The following CFAP44 variants were observed in gnomAD, a reference collection of about 807,000 sequenced individuals.
CFAP44 encodes the protein cilia and flagella associated protein 44.
In CFAP44, 134 loss-of-function variants were observed where a neutral mutation model predicts 216.2. That is an observed-to-expected ratio of 0.62 (90% CI 0.54 to 0.72). The LOEUF (loss-of-function observed/expected upper bound fraction) is 0.72. Ranked by LOEUF, CFAP44 falls within the 30% of genes least tolerant of loss-of-function variation. CFAP44 has a pLI of 0.00. For synonymous variants in CFAP44, 700 were observed against 727.6 expected (o/e 0.96, Z 0.61); for missense variants, 2,035 against 2,182.1 (o/e 0.93, Z 1.34).
At chr3:113,435,735 T>TAA (rs11434499) in intron 1 of CFAP44, among the ~76,000 whole-genome samples, 6,043 of 141,088 alleles carry the variant, frequency 0.043, 160 homozygotes, top group East Asian at 0.11. Context: ...CTTCTAAAAT[T>TAA]AAAAAAAAAA....
rs1934651834 is a variant in CFAP44 at position 113,416,515 on chromosome 3, C to T, written c.673+10G>A. On this transcript the variant is annotated intron_variant, in intron 6 of 34. Coordinates refer to ENST00000393845, the MANE Select transcript of CFAP44 (RefSeq NM_001164496.2). ...GAACATGAAATATTTAAATATGCTT[C>T]TGGACTCACCTCGAAGGACTCTGTA... 1 of 1,573,112 alleles carries T rather than the reference C, an allele frequency of 6.4e-7. No homozygotes were observed. The highest frequency in any genetic ancestry group is 1.7e-5 in the Admixed American group (1 of 58,400).
intron 7 of CFAP44, among the ~76,000 whole-genome samples, chr3:113,407,991 A>T (rs1934334514): frequency 6.6e-6 from 1 of 152,238 alleles, no homozygotes; most frequent in Non-Finnish European, 1.5e-5. Context: ...AATAATCAGA[A>T]AATATAAGAA....
chr3:113,304,953 G>A, intron 31 of CFAP44, 83 bp downstream of exon 31: 1 of 1,246,432 alleles, frequency 8.0e-7, no homozygotes, highest in Non-Finnish European at 1.1e-6. Flanking sequence ...CTCCCCATTA[G>A]TGAACTATGA....
At chr3:113,389,636 G>A (rs1933740690) in intron 15 of CFAP44, among the ~76,000 whole-genome samples, 1 of 151,336 alleles carries the variant, frequency 6.6e-6, no homozygotes, top group Non-Finnish European at 1.5e-5. Context: ...AGAGAGAGAA[G>A]CCTAAAATAT....
chr3:113,434,425 G>C (rs975279984), intron 1 of CFAP44: 1 of 152,176 alleles, frequency 6.6e-6, no homozygotes, highest in Non-Finnish European at 1.5e-5. Context: ...ATATTGAAGA[G>C]AAGGTGGGTA....
At chr3:113,407,442 T>C (rs1324320661) in intron 7 of CFAP44, among the ~76,000 whole-genome samples, 2 of 152,224 alleles carry the variant, frequency 1.3e-5, no homozygotes, top group Admixed American at 6.5e-5. Context: ...GCTATTGTAT[T>C]AGACAGCATA....
At chr3:113,317,358 T>C (rs921671604) in intron 28 of CFAP44, among the ~76,000 whole-genome samples, 1 of 152,190 alleles carries the variant, frequency 6.6e-6, no homozygotes, top group Non-Finnish European at 1.5e-5. Flanking sequence ...CTGGGAGGCA[T>C]GGGCTCCAGC....
At chr3:113,441,099 C>T (rs1292552975) in intron 1 of CFAP44, among the ~76,000 whole-genome samples, 1 of 152,204 alleles carries the variant, frequency 6.6e-6, no homozygotes, top group African/African-American at 2.4e-5. Context: ...TGCCAAGCGT[C>T]GCACCCAGCT....
intron 21 of CFAP44, among the ~76,000 whole-genome samples, chr3:113,359,930 G>A (rs981804971): frequency 7.2e-5 from 11 of 151,996 alleles, no homozygotes; most frequent in East Asian, 5.8e-4. Context: ...TAGATCAACC[G>A]GGTACTGTCT....
At chr3:113,433,458 A>AAAAAAAAAAAAAAAAAAAT in intron 2 of CFAP44, 107 bp downstream of exon 2, 1 of 295,860 alleles carries the variant, frequency 3.4e-6, no homozygotes, top group African/African-American at 2.5e-5. Flanking sequence ...AAAAAAAAAG[A>AAAAAAAAAAAAAAAAAAAT]TCTATTTTAT....
chr3:113,418,879 T>C (rs571200045), intron 5 of CFAP44, among the ~76,000 whole-genome samples: 1 of 151,930 alleles, frequency 6.6e-6, no homozygotes, highest in East Asian at 1.9e-4. Flanking sequence ...TAATTTTTTG[T>C]ATCTTTAGTA....
chr3:113,408,175 C>T (rs1934340964), intron 7 of CFAP44, among the ~76,000 whole-genome samples: 2 of 152,116 alleles, frequency 1.3e-5, no homozygotes, highest in Admixed American at 6.5e-5. Context: ...CTCTTAGAGA[C>T]ACTGATAATC....
At position 113,291,632 on chromosome 3, in the gene CFAP44, C is replaced by A; in HGVS notation, c.5490G>T (p.Leu1830Phe). 1 of 1,537,292 alleles carries A rather than the reference C, an allele frequency of 6.5e-7. No individual in the cohort carries two copies. The highest frequency in any genetic ancestry group is 8.7e-7 in the Non-Finnish European group (1 of 1,146,936). The change falls in exon 35 of 35, where the codon TTG becomes TTT. Residue 1830 changes from leucine (L) to phenylalanine (F), a missense_variant. Leu to Phe is a conservative substitution (Grantham distance 22). Coordinates refer to ENST00000393845, the MANE Select transcript of CFAP44 (RefSeq NM_001164496.2). Reference sequence around the variant, plus strand: ...GGAGGATAAGACTGCCTTTCCTACGCAAAAGAGCAATCTCCTCCTTTAAGG... The same window carrying A: ...GGAGGATAAGACTGCCTTTCCTACGAAAAAGAGCAATCTCCTCCTTTAAGG... Reference protein sequence around the residue: ...ISALKEEIALLRRKGSLILPP... With the variant: ...ISALKEEIALFRRKGSLILPP...
intron 15 of CFAP44, among the ~76,000 whole-genome samples, chr3:113,384,267 G>C (rs1289738597): frequency 1.3e-5 from 2 of 152,006 alleles, no homozygotes; most frequent in African/African-American, 2.4e-5. Context: ...CACCGTGTTA[G>C]CCAGGATGGT....
chr3:113,314,670 C>G (rs1356820332), intron 28 of CFAP44, among the ~76,000 whole-genome samples: 2 of 152,050 alleles, frequency 1.3e-5, no homozygotes, highest in South Asian at 4.1e-4. Flanking sequence ...TGTTTGATGA[C>G]TGAAGCAAAA....
At chr3:113,308,402 G>C in intron 28 of CFAP44, 134 bp from the exon 29 acceptor site, 2 of 709,296 alleles carry the variant, frequency 2.8e-6, no homozygotes, top group Non-Finnish European at 4.4e-6. Context: ...AAATGGTTAA[G>C]GACACAAAGA....
chr3:113,344,482 A>AT (rs1559917740), intron 23 of CFAP44, 34 bp downstream of exon 23: 1 of 1,510,860 alleles, frequency 6.6e-7, no homozygotes. Context: ...GTCTTAGTAA[A>AT]TAAGAATTTA....
chr3:113,406,947 T>C lies in CFAP44; in HGVS notation c.985A>G (p.Met329Val), dbSNP rs368436860. 6.2e-6 allele frequency: 10 copies of C among 1,613,836 alleles called. No homozygotes were observed. The African/African-American group carries it at 1.2e-4, about 19-fold the overall frequency. ...KTITTDIEGY[M>V]ELPDGKVLSG... ...CTCACCTTCCCATCTGGGAGCTCCA[T>C]GTAGCCTTCTATATCAGTAGTGATT... is the stretch of plus-strand genomic sequence containing the variant. Residue 329 changes from methionine (M) to valine (V), a missense_variant, in exon 8 of 35, where the codon ATG (methionine) becomes GTG (valine). Around this residue, in one of 3 missense-constraint regions of CFAP44, gnomAD observed 1,883 missense variants for 2,023.7 expected, o/e 0.93. Transcript: ENST00000393845.
chr3:113,300,799 C>T (rs887883524), intron 32 of CFAP44, among the ~76,000 whole-genome samples: 1 of 152,022 alleles, frequency 6.6e-6, no homozygotes, highest in Non-Finnish European at 1.5e-5. Flanking sequence ...CCATGAGTTA[C>T]CACTTTATAC....
Sources: gnomAD v4.1 joint callset for allele counts (sites outside exome capture counted in the v4.1 genomes callset) on GRCh38, gnomAD v4.1.1 for gene constraint, gnomAD v4.1.1 regional missense constraint, MANE v1.5 for transcripts, NCBI Gene and HGNC (gene_info 2026-07-23, HGNC 2026-07-21) for gene names.